The following ZMIZ1 variants were observed in gnomAD, a reference collection of about 807,000 sequenced individuals.
ZMIZ1 encodes the protein zinc finger MIZ-type containing 1.
Under a neutral mutation model 113.9 loss-of-function variants are expected in ZMIZ1, and 17 were observed. The ratio of observed to expected loss-of-function variants is 0.15; its 90% confidence interval spans 0.10 to 0.22. The LOEUF is 0.22. ZMIZ1 is among the 10% of genes least tolerant of loss of function. The probability of loss-of-function intolerance (pLI) is 1.00; values close to 1 mark genes in which losing one functional copy is unlikely to be tolerated. For synonymous variants in ZMIZ1, 607 were observed against 603.1 expected (o/e 1.01, Z -0.09); for missense variants, 1,059 against 1,477.8 (o/e 0.72, Z 4.65).
rs775294159 is a variant in ZMIZ1 at position 79,289,928 on chromosome 10, G to A, written c.540+39G>A. On this transcript the variant is annotated intron_variant, in intron 9 of 24. Transcript: ENST00000334512. ...CTGCCCTCAGCCACAGCTCTTTCTA[G>A]GCGGGAGTGTCCCTTGACCCCTGGA... The A allele has an allele frequency of 2.5e-6, 4 of 1,590,944 alleles. No homozygotes were observed. In the South Asian group the frequency reaches 3.3e-5, roughly 13 times the overall value.
intron 7 of ZMIZ1, among the ~76,000 whole-genome samples, chr10:79,262,783 G>A (rs973991624): frequency 1.1e-4 from 17 of 152,200 alleles, no homozygotes; most frequent in Non-Finnish European, 2.9e-5. Context: ...AGCTGGGAAG[G>A]AGGGCCCAGA....
At chr10:79,193,650 A>C (rs1170823736) in intron 4 of ZMIZ1, among the ~76,000 whole-genome samples, 1 of 152,160 alleles carries the variant, frequency 6.6e-6, no homozygotes, top group African/African-American at 2.4e-5. Context: ...GCCCTCATCT[A>C]GTGCTGCTAC....
chr10:79,312,217 G>A (rs1034191191), intron 24 of ZMIZ1, among the ~76,000 whole-genome samples: 1 of 152,248 alleles, frequency 6.6e-6, no homozygotes, highest in Non-Finnish European at 1.5e-5. Flanking sequence ...ATGTTGGGGG[G>A]TTGGGGGCGG....
intron 8 of ZMIZ1, among the ~76,000 whole-genome samples, chr10:79,280,650 T>C: frequency 6.7e-6 from 1 of 149,596 alleles, no homozygotes; most frequent in East Asian, 1.9e-4. Flanking sequence ...CTCTGTTCTT[T>C]TTTTTTTTTT....
Position 79,302,130 on chromosome 10 carries a change from G to A in ZMIZ1, c.2043G>A (p.Leu681=). 1 of 1,613,992 alleles carries A rather than the reference G, an allele frequency of 6.2e-7. No homozygotes were observed. The highest frequency in any genetic ancestry group is 8.5e-7 in the Non-Finnish European group (1 of 1,180,026). The part of the protein sequence containing the change: ...CCCSHLFVLQ[L]VHRPSVRSVL... ...AGTCCCACCTCTTCGTGCTGCAGCT[G>A]GTACACCGGCCCTCCGTCCGCTCTG... The change falls in exon 18 of 25, where the codon CTG becomes CTA. Residue 681 remains leucine, a synonymous_variant. Transcript: ENST00000334512.
At chr10:79,285,520 C>T (rs571325350) in intron 8 of ZMIZ1, 3 of 455,996 alleles carry the variant, frequency 6.6e-6, no homozygotes, top group African/African-American at 2.0e-5. Context: ...CCTTCTCTCA[C>T]TTTCTGGGCC....
rs1032472621 is a variant in ZMIZ1 at position 79,195,929 on chromosome 10, A to G, written c.-49-5655A>G. 5.9e-5 allele frequency among the ~76,000 whole-genome samples: 9 copies of G among 152,336 alleles called. No individual in the cohort carries two copies. The East Asian group carries it at 1.2e-3, about 20-fold the overall frequency. On this transcript the variant is annotated intron_variant, in intron 4 of 24. Transcript: ENST00000334512. ...TAAGGATGAAGAAAATTAGCACTGC[A>G]TAGGGCCTGGCCTGGTGCCTGAACA...
At chr10:79,307,704 A>C in intron 23 of ZMIZ1, 133 bp downstream of exon 23, 1 of 1,071,226 alleles carries the variant, frequency 9.3e-7, no homozygotes, top group Non-Finnish European at 1.3e-6. Flanking sequence ...ATGGAATAGG[A>C]GGGGTCTAAC....
At chr10:79,293,075 G>A (rs1853616611) in intron 11 of ZMIZ1, among the ~76,000 whole-genome samples, 1 of 152,076 alleles carries the variant, frequency 6.6e-6, no homozygotes, top group Non-Finnish European at 1.5e-5. Flanking sequence ...CACTTTCCTG[G>A]TTTTCTGCCT....
chr10:79,301,031 C>A, intron 17 of ZMIZ1, 89 bp downstream of exon 17: 1 of 1,533,626 alleles, frequency 6.5e-7, no homozygotes, highest in Non-Finnish European at 8.8e-7. Context: ...CACTCTGGTC[C>A]TCAGCCTTGT....
chr10:79,283,053 T>A (rs1852838369), intron 8 of ZMIZ1, among the ~76,000 whole-genome samples: 1 of 152,270 alleles, frequency 6.6e-6, no homozygotes, highest in South Asian at 2.1e-4. Context: ...ATTGTCCTTA[T>A]GCAGATCAGT....
rs770869535 is a variant in ZMIZ1 at position 79,306,117 on chromosome 10, T to C, written c.2441T>C (p.Val814Ala). The C allele has an allele frequency of 3.2e-5, 52 of 1,613,164 alleles. No homozygotes were observed. The highest frequency in any genetic ancestry group is 4.2e-5 in the Non-Finnish European group (50 of 1,179,928). The change falls in exon 22 of 25, where the codon GTC (valine) becomes GCC (alanine). Residue 814 changes from valine to alanine, a missense_variant. Physicochemically the swap from Val to Ala is moderately conservative, Grantham distance 64 (BLOSUM62 0). Coordinates refer to ENST00000334512, the MANE Select transcript of ZMIZ1 (RefSeq NM_020338.4). ...NAIQHSEFEE[V>A]TIDPTCSWRP... ...TCCCCCAGCTCCGAGTTTGAAGAGGTCACCATCGATCCCACGTGCAGCTGG... is the reference window on the plus strand; with the variant it reads ...TCCCCCAGCTCCGAGTTTGAAGAGGCCACCATCGATCCCACGTGCAGCTGG...
intron 1 of ZMIZ1, among the ~76,000 whole-genome samples, chr10:79,102,005 A>G (rs1266645241): frequency 6.6e-6 from 1 of 152,214 alleles, no homozygotes; most frequent in Non-Finnish European, 1.5e-5. Flanking sequence ...CCATGGCACC[A>G]GGGACCTCAC....
At chr10:79,270,601 C>T (rs935545988) in intron 7 of ZMIZ1, among the ~76,000 whole-genome samples, 5 of 152,198 alleles carry the variant, frequency 3.3e-5, no homozygotes, top group African/African-American at 9.7e-5. Flanking sequence ...GGTTAAGTCA[C>T]GGCTGGTGTG....
chr10:79,265,325 C>G (rs1052581277), intron 7 of ZMIZ1, among the ~76,000 whole-genome samples: 1 of 152,104 alleles, frequency 6.6e-6, no homozygotes, highest in African/African-American at 2.4e-5. Flanking sequence ...CTTGCAGATC[C>G]CAGGCCACCT....
intron 1 of ZMIZ1, among the ~76,000 whole-genome samples, chr10:79,082,378 G>A (rs1281885519): frequency 1.3e-5 from 2 of 152,218 alleles, no homozygotes; most frequent in East Asian, 3.8e-4. Context: ...GAGACCCCAC[G>A]CCCAGCTTTT....
At position 79,199,155 on chromosome 10, in the gene ZMIZ1, G is replaced by A. The variant is rs117982923; in HGVS notation, c.-49-2429G>A. ...AGAACAGCACCTGGCAGGGGGCGAT[G>A]GGCAGATGTTAGTTGGATAATGCTT... On this transcript the variant is annotated intron_variant, in intron 4 of 24. Transcript: ENST00000334512. 5.6e-3 allele frequency among the ~76,000 whole-genome samples: 858 copies of A among 152,094 alleles called. 5 individuals carry two copies. The highest frequency in any genetic ancestry group is 0.014 in the Middle Eastern group (4 of 294).
At chr10:79,210,499 G>A (rs1848488330) in intron 6 of ZMIZ1, among the ~76,000 whole-genome samples, 2 of 152,242 alleles carry the variant, frequency 1.3e-5, no homozygotes, top group African/African-American at 4.8e-5. Context: ...TGGGAGAAGG[G>A]GCAAGGGTAC....
At chr10:79,275,516 C>T (rs181372839) in intron 7 of ZMIZ1, among the ~76,000 whole-genome samples, 2 of 152,218 alleles carry the variant, frequency 1.3e-5, no homozygotes, top group African/African-American at 4.8e-5. Context: ...ACGGGAACCC[C>T]GTCCAGGATC....
Sources: allele counts gnomAD v4.1 joint callset (sites outside exome capture counted in the v4.1 genomes callset), GRCh38; gene constraint gnomAD v4.1.1; transcripts MANE v1.5; gene names NCBI Gene and HGNC (gene_info 2026-07-23, HGNC 2026-07-21).